CCDC146: variants seen among roughly 807,000 people sequenced by gnomAD.
The protein encoded by CCDC146 is coiled-coil domain containing 146, also known as coiled-coil domain-containing protein 146.
CCDC146 carries 92 observed loss-of-function variants against 119.3 expected under a neutral mutation model. That is an observed-to-expected ratio of 0.77 (90% CI 0.65 to 0.92). The LOEUF (loss-of-function observed/expected upper bound fraction) is 0.92, where lower values mean the gene tolerates loss of function less well. CCDC146 is among the 40% of genes least tolerant of loss of function. CCDC146 has a pLI of 0.00. For synonymous variants in CCDC146, 372 were observed against 371.8 expected (o/e 1.00, Z -0.01); for missense variants, 1,000 against 1,103.0 (o/e 0.91, Z 1.32).
At chr7:77,206,524 A>G (rs1457884825) in intron 2 of CCDC146, among the ~76,000 whole-genome samples, 1 of 151,906 alleles carries the variant, frequency 6.6e-6, no homozygotes, top group Non-Finnish European at 1.5e-5. Context: ...CCTCAGCTAC[A>G]TGGGAGGCTG....
Position 77,274,523 on chromosome 7 carries a change from AC to A in CCDC146, c.1312del (p.Ala439GlnfsTer7), listed in dbSNP as rs760480727. The A allele has an allele frequency of 8.7e-6, 14 of 1,607,470 alleles. No homozygotes were observed. In the Admixed American group the frequency reaches 1.5e-4, roughly 17 times the overall value. On this transcript the variant is annotated frameshift_variant, in exon 11 of 19. Transcript: ENST00000285871. LOFTEE classifies it high-confidence loss of function. ...TGGAGTCTAAGTTAGTAGAACAACA[AC>A]TTGCAGAAGAAAACAAGCTTTTAAA... The part of the protein sequence containing the change: ...EMESKLVEQQ[L>X]AEENKLLKEQ...
In CCDC146 at chr7:77,294,768, C is replaced by T. The variant is rs1413913154; in HGVS notation, c.2770C>T (p.Pro924Ser). ...AGAAGCAGATGCCACTCTTCCTTTG[C>T]CAAAACCTTATGGTGCTTTGGCTCC... is the stretch of plus-strand genomic sequence containing the variant. ...IPEADATLPL[P>S]KPYGALAPFK... Residue 924 changes from proline to serine, a missense_variant, in exon 19 of 19, where the codon CCA becomes TCA. Physicochemically the swap from Pro to Ser is moderately conservative, Grantham distance 74. Coordinates refer to ENST00000285871, the MANE Select transcript of CCDC146 (RefSeq NM_020879.3). The T allele has an allele frequency of 1.2e-6, 2 of 1,614,042 alleles. No homozygotes were observed. The highest frequency in any genetic ancestry group is 1.3e-5 in the African/African-American group (1 of 74,896).
intron 4 of CCDC146, among the ~76,000 whole-genome samples, chr7:77,250,969 G>C (rs1793047156): frequency 8.4e-6 from 1 of 118,964 alleles, no homozygotes; most frequent in Non-Finnish European, 1.7e-5. Flanking sequence ...TTGATCTCTG[G>C]TATTTGTGTG....
At chr7:77,237,927 G>A (rs944927765) in intron 3 of CCDC146, among the ~76,000 whole-genome samples, 1 of 152,036 alleles carries the variant, frequency 6.6e-6, no homozygotes, top group Non-Finnish European at 1.5e-5. Context: ...CAAAAGCCAA[G>A]GAGCAACAGC....
intron 1 of CCDC146, among the ~76,000 whole-genome samples, chr7:77,145,513 G>A (rs1232756577): frequency 6.7e-6 from 1 of 150,306 alleles, no homozygotes; most frequent in African/African-American, 2.5e-5. Flanking sequence ...TGATGTTAGG[G>A]TGTCAGTTTT....
chr7:77,279,075 G>T lies in CCDC146; in HGVS notation c.1668G>T (p.Leu556=). The change falls in exon 13 of 19, where the codon CTG becomes CTT. Residue 556 remains leucine (L), a synonymous_variant. Transcript: ENST00000285871. ...HKMSLNELEI[L]RNSAVSQERK... ...TGTCATTAAATGAACTTGAAATTCT[G>T]AGAAATAGTGCCGTTAGTCAAGAAA... is the stretch of plus-strand genomic sequence containing the variant. The T allele has an allele frequency of 6.2e-7, 1 of 1,610,828 alleles. No homozygotes were observed. The highest frequency in any genetic ancestry group is 1.1e-5 in the South Asian group (1 of 90,154).
At chr7:77,162,385 C>A (rs1200337184) in intron 1 of CCDC146, among the ~76,000 whole-genome samples, 1 of 152,180 alleles carries the variant, frequency 6.6e-6, no homozygotes, top group Non-Finnish European at 1.5e-5. Flanking sequence ...TTCCCTAACA[C>A]CCTGTATTGA....
Position 77,154,263 on chromosome 7 carries a change from A to G in CCDC146, c.-11-13395A>G, listed in dbSNP as rs142109914. Among the ~76,000 whole-genome samples the G allele has an allele frequency of 5.0e-3, 755 of 152,220 alleles. 10 individuals carry two copies. Among genetic ancestry groups the G allele is most frequent in the African/African-American group, 0.018 (732 of 41,510 alleles). On this transcript the variant is annotated intron_variant, in intron 1 of 18. Coordinates refer to ENST00000285871, the MANE Select transcript of CCDC146 (RefSeq NM_020879.3). ...CTTTTTACATTTGTCAAAACTCACAAAACTGAATTTTAAACTAACAAAACT... is the reference window on the plus strand; with the variant it reads ...CTTTTTACATTTGTCAAAACTCACAGAACTGAATTTTAAACTAACAAAACT...
chr7:77,190,753 C>G (rs979007941), intron 2 of CCDC146, among the ~76,000 whole-genome samples: 1 of 152,202 alleles, frequency 6.6e-6, no homozygotes, highest in Admixed American at 6.5e-5. Context: ...TCTGGCAATG[C>G]ACAGAATGAA....
chr7:77,132,767 TAAATAAAC>T (rs775380453), intron 1 of CCDC146, among the ~76,000 whole-genome samples: 34 of 150,728 alleles, frequency 2.3e-4, no homozygotes, highest in Non-Finnish European at 4.5e-4. Context: ...AATAAATAAA[TAAATAAAC>T]AAATAAAATT....
At chr7:77,191,879 C>T (rs1302955182) in intron 2 of CCDC146, among the ~76,000 whole-genome samples, 1 of 151,974 alleles carries the variant, frequency 6.6e-6, no homozygotes, top group Non-Finnish European at 1.5e-5. Flanking sequence ...TACTGCACTC[C>T]AGCCTGGGCG....
At chr7:77,188,593 C>A (rs903247999) in intron 2 of CCDC146, among the ~76,000 whole-genome samples, 1 of 152,154 alleles carries the variant, frequency 6.6e-6, no homozygotes. Flanking sequence ...CATCACAACA[C>A]CCCACTCTCC....
rs145622416 is a variant in CCDC146 at position 77,260,143 on chromosome 7, G to A, written c.893G>A (p.Arg298Gln). The A allele has an allele frequency of 2.2e-5, 35 of 1,613,926 alleles. No individual in the cohort carries two copies. The highest frequency in any genetic ancestry group is 6.7e-5 in the East Asian group (3 of 44,890). Residue 298 changes from arginine (R) to glutamine (Q), a missense_variant, in exon 8 of 19, where the codon CGA becomes CAA. Transcript: ENST00000285871. The part of the protein sequence containing the change: ...ENVIKEVEGK[R>Q]ALLEIKEREH... ...GTAATAAAGGAAGTTGAAGGCAAACGAGCCTTACTTGAAATCAAAGAACGA... is the reference window on the plus strand; with the variant it reads ...GTAATAAAGGAAGTTGAAGGCAAACAAGCCTTACTTGAAATCAAAGAACGA...
intron 2 of CCDC146, among the ~76,000 whole-genome samples, chr7:77,197,591 C>T (rs1031965799): frequency 4.6e-5 from 7 of 152,220 alleles, no homozygotes; most frequent in African/African-American, 1.7e-4. Context: ...CTTCTATTTT[C>T]TTTCACCTAA....
intron 9 of CCDC146, among the ~76,000 whole-genome samples, chr7:77,267,027 T>G (rs1793418903): frequency 6.6e-6 from 1 of 151,250 alleles, no homozygotes; most frequent in South Asian, 2.1e-4. Context: ...AGTCTCAGTC[T>G]GTTGCTGAGG....
At chr7:77,168,346 T>C (rs1791369601) in intron 2 of CCDC146, among the ~76,000 whole-genome samples, 1 of 151,700 alleles carries the variant, frequency 6.6e-6, no homozygotes, top group Non-Finnish European at 1.5e-5. Flanking sequence ...TACCCATATA[T>C]GAGGAGAGTT....
intron 1 of CCDC146, among the ~76,000 whole-genome samples, chr7:77,154,464 C>T (rs1791151494): frequency 6.8e-6 from 1 of 147,000 alleles, no homozygotes; most frequent in Non-Finnish European, 1.5e-5. Flanking sequence ...CCCTCCCCCA[C>T]CCCATGACAG....
intron 2 of CCDC146, among the ~76,000 whole-genome samples, chr7:77,219,487 T>C (rs748839064): frequency 6.6e-6 from 1 of 152,234 alleles, no homozygotes; most frequent in Non-Finnish European, 1.5e-5. Context: ...TAATCTGTTA[T>C]GAAATTATGA....
chr7:77,291,573 T>C lies in CCDC146; in HGVS notation c.2416-1379T>C, dbSNP rs556032942. Among the ~76,000 whole-genome samples, 5 of 152,302 alleles carry C rather than the reference T, an allele frequency of 3.3e-5. No homozygotes were observed. In the South Asian group the frequency reaches 1.0e-3, roughly 32 times the overall value. On this transcript the variant is annotated intron_variant, in intron 17 of 18. Coordinates refer to ENST00000285871, the MANE Select transcript of CCDC146 (RefSeq NM_020879.3). ...TACAAAAACAAATAGCCGGGTGTGA[T>C]GGTGCACACCTGTGGTCCCAGCTAC...
Sources: allele counts gnomAD v4.1 joint callset (sites outside exome capture counted in the v4.1 genomes callset), GRCh38; gene constraint gnomAD v4.1.1; transcripts MANE v1.5; gene names NCBI Gene and HGNC (gene_info 2026-07-23, HGNC 2026-07-21).